ASCC3: variants seen among roughly 807,000 people sequenced by gnomAD.
ASCC3 encodes ASC-1 complex subunit P200.
ASCC3 carries 158 observed loss-of-function variants against 256.3 expected under a neutral mutation model. That is an observed-to-expected ratio of 0.62 (90% CI 0.54 to 0.70). The LOEUF is 0.70. Ranked by LOEUF, ASCC3 falls within the 30% of genes least tolerant of loss-of-function variation. The pLI, the probability that ASCC3 is intolerant of heterozygous loss-of-function variation, is 0.00. For missense variants in ASCC3, 2,259 were observed against 2,626.0 expected, an observed-to-expected ratio of 0.86 and a Z score of 3.05; for synonymous variants, 948 against 883.4, an observed-to-expected ratio of 1.07 and a Z score of -1.30.
rs190497796 is a variant in ASCC3, at chr6:100,707,460, G to C, written c.2151+8002C>G. On this transcript the variant is annotated intron_variant, in intron 13 of 41. Coordinates refer to ENST00000369162, the MANE Select transcript of ASCC3 (RefSeq NM_006828.4). ...ATACCAACAGAAGCTACCTCTGGTA[G>C]TGGAATTACCAGTGATTATTTTTTC... 3.9e-3 allele frequency among the ~76,000 whole-genome samples: 599 copies of C among 152,142 alleles called. 15 individuals carry two copies. The highest frequency in any genetic ancestry group is 8.8e-4 in the Non-Finnish European group (60 of 67,958).
At chr6:100,692,908 T>A (rs1250210475) in intron 13 of ASCC3, among the ~76,000 whole-genome samples, 1 of 152,080 alleles carries the variant, frequency 6.6e-6, no homozygotes, top group African/African-American at 2.4e-5. Flanking sequence ...TGAAATACTT[T>A]TTTTATAAAA....
chr6:100,634,744 G>A (rs535093548), intron 25 of ASCC3, among the ~76,000 whole-genome samples: 1 of 151,520 alleles, frequency 6.6e-6, no homozygotes, highest in South Asian at 2.1e-4. Flanking sequence ...AAAGACAGCC[G>A]GGCATGTGGC....
At chr6:100,684,180 A>G (rs1165339632) in intron 13 of ASCC3, among the ~76,000 whole-genome samples, 1 of 152,226 alleles carries the variant, frequency 6.6e-6, no homozygotes, top group African/African-American at 2.4e-5. Context: ...TCTTCTTTGG[A>G]GTACTGCTAA....
chr6:100,536,433 AG>A (rs1188771318), intron 37 of ASCC3, among the ~76,000 whole-genome samples: 1 of 152,170 alleles, frequency 6.6e-6, no homozygotes. Context: ...TTGTACACAG[AG>A]GGCCTAGAAG....
chr6:100,633,241 G>A (rs576477449), intron 25 of ASCC3, among the ~76,000 whole-genome samples: 68 of 152,154 alleles, frequency 4.5e-4, no homozygotes, highest in African/African-American at 1.6e-3. Flanking sequence ...ATTCAGCCTG[G>A]AACATGAATC....
chr6:100,848,412 A>G lies in ASCC3; in HGVS notation c.537T>C (p.Phe179=). The G allele has an allele frequency of 6.2e-7, 1 of 1,613,244 alleles. No individual in the cohort carries two copies. The highest frequency in any genetic ancestry group is 8.5e-7 in the Non-Finnish European group (1 of 1,179,874). The change falls in exon 4 of 42, where the codon TTT becomes TTC. Residue 179 remains phenylalanine, a synonymous_variant. Transcript: ENST00000369162. ...TTTCACCATTTATTGGCAGTTCGTC[A>G]AAGTGGTCCAAATCATGCATGTCAA... The part of the protein sequence containing the change: ...FSFDMHDLDH[F]DELPINGETQ...
At chr6:100,753,305 C>A (rs1232163655) in intron 10 of ASCC3, among the ~76,000 whole-genome samples, 32 of 147,058 alleles carry the variant, frequency 2.2e-4, no homozygotes, top group Non-Finnish European at 2.7e-4. Context: ...TATTCAATAG[C>A]AAAACAAAAC....
intron 10 of ASCC3, among the ~76,000 whole-genome samples, chr6:100,755,077 C>T (rs1479419758): frequency 6.6e-6 from 1 of 151,716 alleles, no homozygotes; most frequent in Admixed American, 6.6e-5. Flanking sequence ...TACGAGATCC[C>T]GCAAATAAGT....
chr6:100,576,442 A>G (rs919828216), intron 36 of ASCC3, among the ~76,000 whole-genome samples: 23 of 152,130 alleles, frequency 1.5e-4, no homozygotes, highest in African/African-American at 5.1e-4. Flanking sequence ...AATGCTTTAA[A>G]ATTTTTTTAC....
intron 36 of ASCC3, among the ~76,000 whole-genome samples, chr6:100,550,815 T>G (rs1464491616): frequency 6.6e-6 from 1 of 151,940 alleles, no homozygotes; most frequent in Non-Finnish European, 1.5e-5. Context: ...TTTACTAGGA[T>G]TGTGTATTTG....
rs570736803 is a variant in ASCC3 at position 100,643,977 on chromosome 6, GTATAATTT to G, written c.3732+46_3732+53del. 419 of 1,185,420 alleles carry G rather than the reference GTATAATTT, an allele frequency of 3.5e-4. 1 individual carries two copies. In the African/African-American group the frequency reaches 5.3e-3, roughly 15 times the overall value. The allele number at this position is 1,185,420 out of a possible 1,614,324, so 73.4% of individuals were successfully genotyped here. Reference sequence around the variant, plus strand: ...AGAGAAATAAAAGCAGAAACTGTTAGTATAATTTTTTTTACAATAGCAAATAAGGATAT... The same window carrying G: ...AGAGAAATAAAAGCAGAAACTGTTAGTTTTTACAATAGCAAATAAGGATAT... On this transcript the variant is annotated intron_variant, in intron 23 of 41. Coordinates refer to ENST00000369162, the MANE Select transcript of ASCC3 (RefSeq NM_006828.4).
chr6:100,520,783 A>G (rs545857706), intron 37 of ASCC3, among the ~76,000 whole-genome samples: 1 of 152,308 alleles, frequency 6.6e-6, no homozygotes, highest in Admixed American at 6.5e-5. Context: ...GGGCTATACC[A>G]TCTAGGTCTG....
chr6:100,616,133 A>G (rs1773653912), intron 30 of ASCC3, among the ~76,000 whole-genome samples: 1 of 152,216 alleles, frequency 6.6e-6, no homozygotes. Context: ...TGTTGAATGA[A>G]CAGGCAAATT....
chr6:100,590,336 G>A (rs1044769546), intron 34 of ASCC3, among the ~76,000 whole-genome samples: 1 of 151,978 alleles, frequency 6.6e-6, no homozygotes, highest in Non-Finnish European at 1.5e-5. Context: ...TTCTAACCAA[G>A]TCTTAATACA....
At chr6:100,799,605 G>C in intron 6 of ASCC3, 33 bp from the exon 7 acceptor site, 1 of 1,604,614 alleles carries the variant, frequency 6.2e-7, no homozygotes, top group Non-Finnish European at 8.5e-7. Context: ...AATTTGAAAT[G>C]TTTATCTTGA....
chr6:100,549,147 G>T (rs1211483354), intron 36 of ASCC3, among the ~76,000 whole-genome samples: 2 of 151,924 alleles, frequency 1.3e-5, no homozygotes, highest in East Asian at 3.9e-4. Flanking sequence ...GTATACAAAG[G>T]CCCTCTAATG....
intron 4 of ASCC3, among the ~76,000 whole-genome samples, chr6:100,824,453 A>G (rs1432664811): frequency 1.3e-5 from 2 of 152,228 alleles, no homozygotes; most frequent in Non-Finnish European, 2.9e-5. Flanking sequence ...TCTGAAAAAT[A>G]GCTGATGATG....
chr6:100,608,090 C>CTATA (rs1474884642), intron 30 of ASCC3, among the ~76,000 whole-genome samples: 1,095 of 71,600 alleles, frequency 0.015, 45 homozygotes, highest in African/African-American at 0.053. Context: ...GTATATATAT[C>CTATA]TATATACACA....
chr6:100,608,186 GTA>G lies in ASCC3; in HGVS notation c.4786-1100_4786-1099del, dbSNP rs1298525053. On this transcript the variant is annotated intron_variant, in intron 30 of 41. Transcript: ENST00000369162. ...TATATACATATTTATATATGTGTGT[GTA>G]TATATATACTTTATATATATACTTT... Among the ~76,000 whole-genome samples the G allele has an allele frequency of 1.1e-4, 3 of 26,140 alleles. 1 individual carries two copies. Among genetic ancestry groups the G allele is most frequent in the Non-Finnish European group, 2.6e-4 (3 of 11,512 alleles). The allele number at this position is 26,140 out of a possible 152,430, so 17.1% of individuals were successfully genotyped here.
Sources: gnomAD v4.1 joint callset for allele counts (sites outside exome capture counted in the v4.1 genomes callset) on GRCh38, gnomAD v4.1.1 for gene constraint, MANE v1.5 for transcripts, NCBI Gene and HGNC (gene_info 2026-07-23, HGNC 2026-07-21) for gene names.